NLGN4X: variants seen among roughly 807,000 people sequenced by gnomAD.
The protein encoded by NLGN4X is neuroligin 4 X-linked.
A neutral mutation model predicts 40.3 loss-of-function variants in NLGN4X; 3 were observed. The observed-to-expected ratio is 0.07, with a 90% CI of 0.03 to 0.19. The LOEUF is 0.19. Ranked by LOEUF, NLGN4X falls within the 10% of genes least tolerant of loss-of-function variation. NLGN4X has a pLI of 1.00. For missense variants in NLGN4X, 382 were observed against 708.3 expected (o/e 0.54, Z 5.23); for synonymous variants, 270 against 306.8 (o/e 0.88, Z 1.25).
intron 2 of NLGN4X, among the ~76,000 whole-genome samples, chrX:6,056,822 A>G (rs1369175431): frequency 8.9e-6 from 1 of 112,006 alleles, no homozygotes; most frequent in Non-Finnish European, 1.9e-5. Context: ...ACAGTTTCAG[A>G]ACATTTCCTA....
At chrX:6,112,244 C>G (rs73442198) in intron 2 of NLGN4X, among the ~76,000 whole-genome samples, 4,457 of 111,077 alleles carry the variant, frequency 0.04, 237 homozygotes, top group African/African-American at 0.14. Context: ...AAGCCTGAAC[C>G]TCAGCAACAC....
At chrX:6,000,267 C>T (rs1482271317) in intron 3 of NLGN4X, among the ~76,000 whole-genome samples, 2 of 112,035 alleles carry the variant, frequency 1.8e-5, no homozygotes, top group African/African-American at 3.2e-5. Flanking sequence ...TTGTGTTGAC[C>T]ACAGGATGTC....
chrX:5,982,568 G>T (rs1441924039), intron 3 of NLGN4X, among the ~76,000 whole-genome samples: 2 of 112,103 alleles, frequency 1.8e-5, no homozygotes, highest in Non-Finnish European at 3.8e-5. Context: ...ATTGAAAATG[G>T]ATTGTAATAT....
intron 2 of NLGN4X, among the ~76,000 whole-genome samples, chrX:6,144,031 G>T (rs1489647264): frequency 8.9e-6 from 1 of 112,021 alleles, no homozygotes; most frequent in Non-Finnish European, 1.9e-5. Flanking sequence ...ATCACTTGCG[G>T]CCAGGAGTTC....
intron 3 of NLGN4X, among the ~76,000 whole-genome samples, chrX:5,949,160 T>C (rs1354221025): frequency 8.9e-6 from 1 of 111,990 alleles, no homozygotes; most frequent in Non-Finnish European, 1.9e-5. Context: ...AGACAGTCAC[T>C]GAGGCCAGCA....
intron 3 of NLGN4X, among the ~76,000 whole-genome samples, chrX:5,925,825 CATATATATATATATATATACATACACAT>C (rs2033250013): frequency 2.3e-5 from 1 of 43,360 alleles, no homozygotes. Context: ...TGAATCCCAC[CATATATATATATATATATACATACACAT>C]ATATATATAT....
intron 3 of NLGN4X, among the ~76,000 whole-genome samples, chrX:6,025,919 A>G (rs768238720): frequency 6.0e-4 from 64 of 106,466 alleles, no homozygotes; most frequent in African/African-American, 2.2e-3. Flanking sequence ...AAAAAAAAAA[A>G]GAAAAGAAAA....
rs1352648251 is a variant in NLGN4X, at chrX:6,221,395, A to G, written c.-306+7146T>C. Among the ~76,000 whole-genome samples the G allele has an allele frequency of 2.0e-4, 5 of 25,452 alleles. No homozygotes were observed. The South Asian group carries it at 9.7e-3, about 49-fold the overall frequency. 22.1% of individuals were successfully genotyped at this position (25,452 alleles called of 115,157 possible). ...ACCACATTTTTCCTTCTTATATTAT[A>G]TATATATATATATATATATATATAT... On this transcript the variant is annotated intron_variant, in intron 1 of 5. Coordinates refer to ENST00000381095, the MANE Select transcript of NLGN4X (RefSeq NM_181332.3).
chrX:6,071,891 C>T (rs1175478233), intron 2 of NLGN4X, among the ~76,000 whole-genome samples: 1 of 111,038 alleles, frequency 9.0e-6, no homozygotes, highest in Non-Finnish European at 1.9e-5. Flanking sequence ...GTGATCCTTC[C>T]ACCGTAAATT....
chrX:6,024,908 G>A (rs1292572713), intron 3 of NLGN4X, among the ~76,000 whole-genome samples: 1 of 111,739 alleles, frequency 8.9e-6, no homozygotes, highest in African/African-American at 3.3e-5. Flanking sequence ...CTCTGCTTAT[G>A]GAGCAGTCAT....
intron 2 of NLGN4X, among the ~76,000 whole-genome samples, chrX:6,117,953 G>GA (rs201584374): frequency 0.087 from 9,186 of 106,114 alleles, 346 homozygotes; most frequent in East Asian, 0.17. Context: ...CAACATAAGA[G>GA]AAAAAAAAAA....
chrX:5,959,016 C>A (rs956684658), intron 3 of NLGN4X, among the ~76,000 whole-genome samples: 1 of 111,849 alleles, frequency 8.9e-6, no homozygotes, highest in African/African-American at 3.3e-5. Context: ...GTTTGTAATT[C>A]CTCCCCTCAT....
rs181851571 is a variant in NLGN4X at position 6,156,388 on chromosome X, A to G, written c.-305-4617T>C. On this transcript the variant is annotated intron_variant, in intron 1 of 5. Transcript: ENST00000381095. ...GCTGGGCGTGGTGGCGGGCACCTGTAGTCCCAGCTACTCAGGAGGCTGAGG... is the reference window on the plus strand; with the variant it reads ...GCTGGGCGTGGTGGCGGGCACCTGTGGTCCCAGCTACTCAGGAGGCTGAGG... Among the ~76,000 whole-genome samples the G allele has an allele frequency of 1.7e-3, 194 of 111,295 alleles. 1 individual carries two copies. Among genetic ancestry groups the G allele is most frequent in the African/African-American group, 5.9e-3 (182 of 30,603 alleles).
At chrX:5,998,960 C>T (rs1334841155) in intron 3 of NLGN4X, among the ~76,000 whole-genome samples, 1 of 112,138 alleles carries the variant, frequency 8.9e-6, no homozygotes, top group Non-Finnish European at 1.9e-5. Flanking sequence ...GTAGATTCTA[C>T]TGAAAAATCT....
chrX:5,995,634 T>C (rs1163737894), intron 3 of NLGN4X, among the ~76,000 whole-genome samples: 1 of 112,281 alleles, frequency 8.9e-6, no homozygotes, highest in Non-Finnish European at 1.9e-5. Context: ...AGCACAGATA[T>C]GAATTTTAGT....
At chrX:6,050,335 T>G (rs375511233) in intron 2 of NLGN4X, among the ~76,000 whole-genome samples, 1 of 111,726 alleles carries the variant, frequency 9.0e-6, no homozygotes, top group African/African-American at 3.3e-5. Context: ...CTACCATCTA[T>G]CATCTACCTG....
At chrX:5,973,560 T>C (rs1004680496) in intron 3 of NLGN4X, among the ~76,000 whole-genome samples, 7 of 112,379 alleles carry the variant, frequency 6.2e-5, no homozygotes, top group South Asian at 3.7e-4. Flanking sequence ...GAAGGGCTCA[T>C]GCCTGTAATC....
intron 3 of NLGN4X, among the ~76,000 whole-genome samples, chrX:6,026,109 T>C (rs772794114): frequency 9.1e-6 from 1 of 110,074 alleles, no homozygotes; most frequent in Admixed American, 9.7e-5. Flanking sequence ...TAGAGGAAAG[T>C]TGTTAGCTCC....
chrX:5,937,976 C>T (rs1270575672), intron 3 of NLGN4X, among the ~76,000 whole-genome samples: 2 of 111,790 alleles, frequency 1.8e-5, no homozygotes, highest in South Asian at 3.7e-4. Flanking sequence ...ATCTACCCTA[C>T]GGGACTAAGA....
Sources: gnomAD v4.1 joint callset for allele counts (sites outside exome capture counted in the v4.1 genomes callset) on GRCh38, gnomAD v4.1.1 for gene constraint, MANE v1.5 for transcripts, NCBI Gene and HGNC (gene_info 2026-07-23, HGNC 2026-07-21) for gene names.